The following EBF2 variants were observed in gnomAD, a reference collection of about 807,000 sequenced individuals.
EBF2 encodes transcription factor COE2.
EBF2 carries 21 observed loss-of-function variants against 72.8 expected under a neutral mutation model. The ratio of observed to expected loss-of-function variants is 0.29; its 90% CI spans 0.20 to 0.42. EBF2 has a LOEUF of 0.42. Ranked by LOEUF, EBF2 falls within the 10% of genes least tolerant of loss-of-function variation. The pLI is 1.00. For synonymous variants in EBF2, 299 were observed against 274.2 expected (o/e 1.09, Z -0.89); for missense variants, 637 against 731.2 (o/e 0.87, Z 1.49).
intron 7 of EBF2, among the ~76,000 whole-genome samples, chr8:25,907,226 C>T (rs891181168): frequency 1.3e-5 from 2 of 151,684 alleles, no homozygotes; most frequent in African/African-American, 4.8e-5. Flanking sequence ...TGAGACCAAC[C>T]TGGGCAACAT....
intron 6 of EBF2, among the ~76,000 whole-genome samples, chr8:26,003,105 T>C (rs938316906): frequency 2.0e-5 from 3 of 152,148 alleles, no homozygotes; most frequent in African/African-American, 7.2e-5. Flanking sequence ...AATGGGTCAC[T>C]TGTCCTCCAA....
At chr8:25,905,946 G>A (rs1328079880) in intron 7 of EBF2, among the ~76,000 whole-genome samples, 1 of 152,118 alleles carries the variant, frequency 6.6e-6, no homozygotes, top group African/African-American at 2.4e-5. Context: ...TTTTGCCCTT[G>A]TCTTTGCAAA....
chr8:25,937,663 A>C (rs10503780), intron 6 of EBF2, among the ~76,000 whole-genome samples: 1,805 of 152,302 alleles, frequency 0.012, 20 homozygotes, highest in African/African-American at 0.034. Context: ...TCTTTGTCAC[A>C]ATAAACCACA....
chr8:26,037,286 C>T (rs111362189), intron 5 of EBF2, among the ~76,000 whole-genome samples: 4,492 of 152,184 alleles, frequency 0.03, 228 homozygotes, highest in African/African-American at 0.1. Flanking sequence ...GGGGAAAAAG[C>T]CCCAGCCTTG....
intron 6 of EBF2, among the ~76,000 whole-genome samples, chr8:25,915,826 A>C (rs73225928): frequency 0.052 from 7,952 of 152,208 alleles, 278 homozygotes; most frequent in South Asian, 0.13. Flanking sequence ...GGAGATTTTT[A>C]AATAGACCAG....
chr8:25,995,031 C>T (rs984044777), intron 6 of EBF2, among the ~76,000 whole-genome samples: 4 of 152,050 alleles, frequency 2.6e-5, no homozygotes, highest in South Asian at 2.1e-4. Context: ...ATACAGTAGG[C>T]GTGGTGGCTC....
chr8:25,998,907 C>T (rs185790316), intron 6 of EBF2, among the ~76,000 whole-genome samples: 1 of 152,294 alleles, frequency 6.6e-6, no homozygotes, highest in Non-Finnish European at 1.5e-5. Flanking sequence ...ACCACCGTCT[C>T]TCTTTGAATA....
intron 6 of EBF2, among the ~76,000 whole-genome samples, chr8:25,965,049 C>G (rs1804092743): frequency 6.6e-6 from 1 of 152,166 alleles, no homozygotes; most frequent in South Asian, 2.1e-4. Flanking sequence ...TGAGAAATAT[C>G]AGTTCTTCTC....
At chr8:26,037,931 G>A (rs1009987806) in intron 5 of EBF2, among the ~76,000 whole-genome samples, 2 of 152,180 alleles carry the variant, frequency 1.3e-5, no homozygotes, top group African/African-American at 2.4e-5. Flanking sequence ...AAAACCATCC[G>A]GGGAAGTGCC....
chr8:25,961,363 GT>G (rs1563193492), intron 6 of EBF2, among the ~76,000 whole-genome samples: 2 of 152,048 alleles, frequency 1.3e-5, no homozygotes, highest in African/African-American at 4.8e-5. Flanking sequence ...CAAATATGAG[GT>G]TTTTTGTTTT....
At chr8:25,900,412 T>C (rs2117304675) in intron 7 of EBF2, among the ~76,000 whole-genome samples, 1 of 152,172 alleles carries the variant, frequency 6.6e-6, no homozygotes, top group South Asian at 2.1e-4. Flanking sequence ...TGAACCAATA[T>C]TGCACCACTG....
chr8:26,044,712 C>A lies in EBF2; in HGVS notation c.131+17G>T. 2 of 1,612,480 alleles carry A rather than the reference C, an allele frequency of 1.2e-6. No homozygotes were observed. The highest frequency in any genetic ancestry group is 1.7e-6 in the Non-Finnish European group (2 of 1,179,016). ...AGAGCGAGAGACAGCATAATAATTG[C>A]GCGGCCGTGTCGTTACCTCTGCGCG... On this transcript the variant is annotated intron_variant, in intron 1 of 15. Coordinates refer to ENST00000520164, the MANE Select transcript of EBF2 (RefSeq NM_022659.4). The surrounding 1 kb of genome is among the most constrained non-coding windows in gnomAD (Gnocchi z 4.1).
intron 6 of EBF2, among the ~76,000 whole-genome samples, chr8:26,024,530 C>G (rs1585231970): frequency 6.6e-6 from 1 of 152,122 alleles, no homozygotes; most frequent in East Asian, 1.9e-4. Context: ...GATATCTGTT[C>G]TTGGGCCTGT....
chr8:25,853,107 TTCTCCTGC>T (rs948091354), intron 14 of EBF2, among the ~76,000 whole-genome samples: 1 of 152,162 alleles, frequency 6.6e-6, no homozygotes, highest in Non-Finnish European at 1.5e-5. Context: ...TTAGAGTACT[TTCTCCTGC>T]TAAACACCAA....
chr8:25,940,354 G>A (rs550693513), intron 6 of EBF2, among the ~76,000 whole-genome samples: 5 of 152,162 alleles, frequency 3.3e-5, no homozygotes, highest in Non-Finnish European at 1.5e-5. Context: ...GGGAGTTGAC[G>A]TGACTTGCCT....
chr8:26,038,793 GTT>G (rs1478859795), intron 5 of EBF2, among the ~76,000 whole-genome samples: 1 of 152,180 alleles, frequency 6.6e-6, no homozygotes, highest in Non-Finnish European at 1.5e-5. Context: ...CATTTGGAAA[GTT>G]TGTTTTGGTA....
rs140374394 is a variant in EBF2, at chr8:25,854,257, A to AGAGAT, written c.1529-3501_1529-3497dup. Among the ~76,000 whole-genome samples, 715 of 149,636 alleles carry AGAGAT rather than the reference A, an allele frequency of 4.8e-3. 8 individuals are homozygous for AGAGAT. The highest frequency in any genetic ancestry group is 0.017 in the African/African-American group (687 of 40,166). On this transcript the variant is annotated intron_variant, in intron 14 of 15. Coordinates refer to ENST00000520164, the MANE Select transcript of EBF2 (RefSeq NM_022659.4). ...CACCTCCAAAAAAAAAAAAAAAGCA[A>AGAGAT]GAGATGAATAAATCCTCACATTCCT...
At chr8:25,959,974 C>T in intron 6 of EBF2, among the ~76,000 whole-genome samples, 1 of 152,218 alleles carries the variant, frequency 6.6e-6, no homozygotes, top group East Asian at 1.9e-4. Context: ...CCAGAATAAA[C>T]ACAAATAACC....
intron 6 of EBF2, among the ~76,000 whole-genome samples, chr8:25,978,283 G>T (rs1406053138): frequency 2.5e-5 from 2 of 78,684 alleles, no homozygotes; most frequent in African/African-American, 9.4e-5. Context: ...TGGGGGTAAC[G>T]TGGCCGCGCC....
Sources: gnomAD v4.1 joint callset for allele counts (sites outside exome capture counted in the v4.1 genomes callset) on GRCh38, gnomAD v4.1.1 for gene constraint, Gnocchi (gnomAD v3.1) non-coding constraint, MANE v1.5 for transcripts, NCBI Gene and HGNC (gene_info 2026-07-23, HGNC 2026-07-21) for gene names.